ANXA4: variants seen among roughly 807,000 people sequenced by gnomAD.
ANXA4 encodes the protein 35-beta calcimedin.
A neutral mutation model predicts 49.8 loss-of-function variants in ANXA4; 39 were observed. That is an observed-to-expected ratio of 0.78 (90% CI 0.61 to 1.02). The LOEUF is 1.02. Among genes scored for constraint, ANXA4 ranks in the 50% least tolerant of loss-of-function variants. The pLI is 0.00. For missense variants in ANXA4, 360 were observed against 410.1 expected, an observed-to-expected ratio of 0.88 and a Z score of 1.05; for synonymous variants, 134 against 152.5, an observed-to-expected ratio of 0.88 and a Z score of 0.89.
intron 8 of ANXA4, among the ~76,000 whole-genome samples, chr2:69,814,442 C>G (rs1466798892): frequency 6.8e-6 from 1 of 148,052 alleles, no homozygotes; most frequent in East Asian, 2.0e-4. Flanking sequence ...ACCTCCCAGG[C>G]TCAAGTGATC....
chr2:69,675,734 C>A (rs552334806), intron 2 of ANXA4, among the ~76,000 whole-genome samples: 1 of 152,194 alleles, frequency 6.6e-6, no homozygotes, highest in African/African-American at 2.4e-5. Flanking sequence ...GTATCTAATG[C>A]CACTGATCTG....
rs577859486 is a variant in ANXA4 at position 69,703,190 on chromosome 2, T to C, written n.767-17584T>C. Among the ~76,000 whole-genome samples the C allele has an allele frequency of 6.6e-5, 10 of 152,208 alleles. No homozygotes were observed. In the East Asian group the frequency reaches 1.7e-3, roughly 26 times the overall value. ...TGTAGACAACCTTCCTGACCTCATG[T>C]GTGGGTCAGAACCCCCTATGGACTC... On this transcript the variant is annotated intron_variant and non_coding_transcript_variant, in intron 2 of 3. Transcript: ENST00000418066.
In ANXA4 at chr2:69,787,408, C is replaced by T. The variant is rs533243206; in HGVS notation, c.10-646C>T. Among the ~76,000 whole-genome samples the T allele has an allele frequency of 3.3e-5, 5 of 152,268 alleles. No individual in the cohort carries two copies. The South Asian group carries it at 1.0e-3, about 32-fold the overall frequency. On this transcript the variant is annotated intron_variant, in intron 2 of 12. Transcript: ENST00000394295. Reference sequence around the variant, plus strand: ...AATTTATTTGTCGAAGAAACTAGATCGTTTTTTAAGTGCTGTGTCTGAGAG... The same window carrying T: ...AATTTATTTGTCGAAGAAACTAGATTGTTTTTTAAGTGCTGTGTCTGAGAG...
intron 2 of ANXA4, among the ~76,000 whole-genome samples, chr2:69,663,513 T>G (rs527691455): frequency 1.7e-4 from 26 of 151,868 alleles, no homozygotes; most frequent in African/African-American, 6.3e-4. Flanking sequence ...AGATCAGAAA[T>G]GCTGGGCATG....
upstream of ANXA4, among the ~76,000 whole-genome samples, chr2:69,644,164 T>C (rs1210566903): frequency 6.1e-5 from 1 of 16,470 alleles, no homozygotes; most frequent in Middle Eastern, 0.022. Flanking sequence ...AACAACTAAG[T>C]TCCCCCCCCC....
At chr2:69,804,069 C>T (rs1033904587) in intron 3 of ANXA4, among the ~76,000 whole-genome samples, 1 of 140,770 alleles carries the variant, frequency 7.1e-6, no homozygotes, top group African/African-American at 2.7e-5. Flanking sequence ...ACCCAGGAGG[C>T]GGAGGTTGCA....
chr2:69,694,007 C>G (rs1678069016), intron 2 of ANXA4, among the ~76,000 whole-genome samples: 1 of 152,050 alleles, frequency 6.6e-6, no homozygotes, highest in Admixed American at 6.6e-5. Context: ...CCAGGTTACG[C>G]ATGGTTTATA....
chr2:69,758,970 TA>T (rs1342173153), intron 1 of ANXA4, among the ~76,000 whole-genome samples: 1 of 151,904 alleles, frequency 6.6e-6, no homozygotes, highest in Non-Finnish European at 1.5e-5. Flanking sequence ...CCATTTCTAC[TA>T]AAAGTGTTCT....
At chr2:69,708,578 T>G (rs1329117967) in intron 2 of ANXA4, among the ~76,000 whole-genome samples, 5 of 151,920 alleles carry the variant, frequency 3.3e-5, no homozygotes, top group African/African-American at 1.2e-4. Flanking sequence ...GGTCTCTTGG[T>G]TTTTTTTATC....
At chr2:69,656,998 A>ATT (rs140897969) in intron 2 of ANXA4, among the ~76,000 whole-genome samples, 2 of 135,722 alleles carry the variant, frequency 1.5e-5, no homozygotes, top group African/African-American at 2.7e-5. Flanking sequence ...CACTATATTC[A>ATT]TTTTTTTTTT....
At chr2:69,821,970 A>G (rs1674262161) in intron 12 of ANXA4, among the ~76,000 whole-genome samples, 1 of 152,218 alleles carries the variant, frequency 6.6e-6, no homozygotes, top group South Asian at 2.1e-4. Flanking sequence ...ATATGGAGAG[A>G]CTAGAACTCT....
chr2:69,657,939 A>G (rs1676566274), intron 2 of ANXA4, among the ~76,000 whole-genome samples: 1 of 152,214 alleles, frequency 6.6e-6, no homozygotes, highest in African/African-American at 2.4e-5. Flanking sequence ...AACTTGTTCA[A>G]TATATAAGTG....
At chr2:69,812,992 A>C (rs1348066092) in intron 8 of ANXA4, among the ~76,000 whole-genome samples, 1 of 152,152 alleles carries the variant, frequency 6.6e-6, no homozygotes, top group Admixed American at 6.6e-5. Flanking sequence ...GTGGAGGTGA[A>C]AGGGACTGTT....
intron 1 of ANXA4, among the ~76,000 whole-genome samples, chr2:69,652,701 A>G (rs1160082859): frequency 6.6e-6 from 1 of 152,102 alleles, no homozygotes; most frequent in Non-Finnish European, 1.5e-5. Context: ...TCTACTAAAA[A>G]TACAAAAATT....
At chr2:69,647,283 C>T (rs75608813) in intron 1 of ANXA4, among the ~76,000 whole-genome samples, 10,864 of 152,200 alleles carry the variant, frequency 0.071, 1,136 homozygotes, top group East Asian at 0.37. Flanking sequence ...CTCCCCTCTC[C>T]AAATTTATAA....
intron 1 of ANXA4, among the ~76,000 whole-genome samples, chr2:69,765,807 A>G (rs1488962158): frequency 6.6e-6 from 1 of 152,154 alleles, no homozygotes; most frequent in Non-Finnish European, 1.5e-5. Flanking sequence ...TGGGTCTCAG[A>G]AAGAAAGTGA....
chr2:69,691,207 T>A (rs561717665), intron 2 of ANXA4, among the ~76,000 whole-genome samples: 4 of 151,092 alleles, frequency 2.6e-5, no homozygotes, highest in Admixed American at 2.0e-4. Flanking sequence ...CACTGCAACC[T>A]CTGCCTCCCA....
chr2:69,681,478 C>T (rs911095220), intron 2 of ANXA4, among the ~76,000 whole-genome samples: 1 of 151,758 alleles, frequency 6.6e-6, no homozygotes, highest in Non-Finnish European at 1.5e-5. Flanking sequence ...AATTCTCCTG[C>T]CTCAGCCTCC....
chr2:69,758,103 C>G (rs1671135767), intron 1 of ANXA4, among the ~76,000 whole-genome samples: 1 of 152,154 alleles, frequency 6.6e-6, no homozygotes, highest in South Asian at 2.1e-4. Flanking sequence ...ACCTCTGCCT[C>G]CTGGGTTCAA....
Sources: allele counts gnomAD v4.1 joint callset (sites outside exome capture counted in the v4.1 genomes callset), GRCh38; gene constraint gnomAD v4.1.1; transcripts MANE v1.5; gene names NCBI Gene and HGNC (gene_info 2026-07-23, HGNC 2026-07-21).